HCN1: variants seen among roughly 807,000 people sequenced by gnomAD.
The protein encoded by HCN1 is hyperpolarization activated cyclic nucleotide gated potassium channel 1.
HCN1 carries 13 observed loss-of-function variants against 78.9 expected under a neutral mutation model. That is an observed-to-expected ratio of 0.16 (90% CI 0.11 to 0.26). The LOEUF (loss-of-function observed/expected upper bound fraction) is 0.26, where lower values mean the gene tolerates loss of function less well. Among genes scored for constraint, HCN1 ranks in the 10% least tolerant of loss-of-function variants. The pLI, the probability that HCN1 is intolerant of heterozygous loss-of-function variation, is 1.00. For missense variants in HCN1, 810 were observed against 1,154.3 expected, an observed-to-expected ratio of 0.70 and a Z score of 4.32; for synonymous variants, 552 against 455.5, an observed-to-expected ratio of 1.21 and a Z score of -2.70.
chr5:45,546,768 C>A (rs553330698), intron 2 of HCN1, among the ~76,000 whole-genome samples: 1 of 151,954 alleles, frequency 6.6e-6, no homozygotes, highest in South Asian at 2.1e-4. Flanking sequence ...GACCAGAAGA[C>A]ACCTTAAATA....
intron 2 of HCN1, among the ~76,000 whole-genome samples, chr5:45,634,076 C>T (rs1397153728): frequency 6.6e-6 from 1 of 151,982 alleles, no homozygotes; most frequent in East Asian, 1.9e-4. Flanking sequence ...GGCAGGAAGA[C>T]TTCAGCAAAA....
intron 2 of HCN1, among the ~76,000 whole-genome samples, chr5:45,477,196 T>A (rs1195013786): frequency 6.6e-6 from 1 of 151,892 alleles, no homozygotes; most frequent in Non-Finnish European, 1.5e-5. Context: ...CATCACTTTA[T>A]CAAGAAGGTC....
At chr5:45,327,879 C>T (rs903305371) in intron 5 of HCN1, among the ~76,000 whole-genome samples, 1 of 151,602 alleles carries the variant, frequency 6.6e-6, no homozygotes, top group Non-Finnish European at 1.5e-5. Context: ...GCCAATACCT[C>T]GATCTCAGAC....
Position 45,257,361 on chromosome 5 carries a change from A to G in HCN1, c.*4560T>C, listed in dbSNP as rs1221249039. ...ATCAGCTGTGCTCTGTTAAACATCCACATTTTAGAAAAGCATGCTTAATTT... is the reference window on the plus strand; with the variant it reads ...ATCAGCTGTGCTCTGTTAAACATCCGCATTTTAGAAAAGCATGCTTAATTT... On this transcript the variant is annotated 3_prime_UTR_variant, in exon 8 of 8. Coordinates refer to ENST00000303230, the MANE Select transcript of HCN1 (RefSeq NM_021072.4). The G allele has an allele frequency of 1.3e-5, 2 of 152,158 alleles. No individual in the cohort carries two copies. The highest frequency in any genetic ancestry group is 2.9e-5 in the Non-Finnish European group (2 of 68,038). 9.4% of individuals were successfully genotyped at this position (152,158 alleles called of 1,614,324 possible).
chr5:45,490,202 A>G lies in HCN1; in HGVS notation c.850-28195T>C, dbSNP rs369048416. ...AACTGCAAGGAAATTCACTATAACT[A>G]GGTCATAGAATGCCAACAGTGCAAT... On this transcript the variant is annotated intron_variant, in intron 2 of 7. Coordinates refer to ENST00000303230, the MANE Select transcript of HCN1 (RefSeq NM_021072.4). Among the ~76,000 whole-genome samples, 109 of 152,304 alleles carry G rather than the reference A, an allele frequency of 7.2e-4. No homozygotes were observed. In the South Asian group the frequency reaches 0.021, roughly 29 times the overall value.
At chr5:45,382,901 A>T (rs1000227583) in intron 4 of HCN1, among the ~76,000 whole-genome samples, 2 of 152,192 alleles carry the variant, frequency 1.3e-5, no homozygotes, top group Admixed American at 1.3e-4. Context: ...ATGTTAGGAA[A>T]GGAAAATTTG....
chr5:45,695,615 C>A, intron 1 of HCN1, 54 bp downstream of exon 1: 1 of 1,567,442 alleles, frequency 6.4e-7, no homozygotes, highest in Non-Finnish European at 8.7e-7. Flanking sequence ...GGCGGGGAAG[C>A]GCGTTTCAGG....
In HCN1 at chr5:45,347,552, C is replaced by T. The variant is rs142805628; in HGVS notation, c.1377+5548G>A. ...TGAGTTGAGAGAAGAAGGCTTCAGA[C>T]GATCAAACTACTCCGAGCTACAGGA... On this transcript the variant is annotated intron_variant, in intron 5 of 7. Coordinates refer to ENST00000303230, the MANE Select transcript of HCN1 (RefSeq NM_021072.4). Among the ~76,000 whole-genome samples, 2,305 of 152,094 alleles carry T rather than the reference C, an allele frequency of 0.015. 208 individuals are homozygous for T. The East Asian group carries it at 0.27, about 18-fold the overall frequency.
intron 4 of HCN1, among the ~76,000 whole-genome samples, chr5:45,388,328 G>T (rs1308979143): frequency 6.6e-6 from 1 of 152,092 alleles, no homozygotes; most frequent in Non-Finnish European, 1.5e-5. Context: ...TCCTTGAGTA[G>T]AAATATATTA....
intron 3 of HCN1, among the ~76,000 whole-genome samples, chr5:45,438,941 T>A (rs1234329322): frequency 6.6e-6 from 1 of 152,154 alleles, no homozygotes; most frequent in East Asian, 1.9e-4. Context: ...TATGTCTCTT[T>A]TCATAACAAC....
chr5:45,396,397 T>TTA, intron 4 of HCN1, 95 bp downstream of exon 4: 1 of 924,888 alleles, frequency 1.1e-6, no homozygotes, highest in Non-Finnish European at 1.7e-6. Flanking sequence ...TTTTTTTTTT[T>TTA]TATAGAGGAG....
At chr5:45,614,261 C>T (rs1334249576) in intron 2 of HCN1, among the ~76,000 whole-genome samples, 1 of 152,126 alleles carries the variant, frequency 6.6e-6, no homozygotes, top group Non-Finnish European at 1.5e-5. Context: ...TGAATTCCCC[C>T]ATTTATTAAT....
chr5:45,275,723 G>A (rs1441682937), intron 6 of HCN1, among the ~76,000 whole-genome samples: 3 of 152,106 alleles, frequency 2.0e-5, no homozygotes, highest in Non-Finnish European at 1.5e-5. Flanking sequence ...AACAATCTCA[G>A]GTAGCCGCGT....
chr5:45,319,888 A>C (rs1746087325), intron 5 of HCN1, among the ~76,000 whole-genome samples: 1 of 151,918 alleles, frequency 6.6e-6, no homozygotes, highest in Non-Finnish European at 1.5e-5. Context: ...TTCCTTTAGC[A>C]CTGTAACTTT....
At chr5:45,426,907 T>A (rs1419467791) in intron 3 of HCN1, among the ~76,000 whole-genome samples, 1 of 152,184 alleles carries the variant, frequency 6.6e-6, no homozygotes, top group Admixed American at 6.5e-5. Flanking sequence ...TGTAATAAAA[T>A]TTAGCAGTTT....
At position 45,396,311 on chromosome 5, in the gene HCN1, A is replaced by C. The variant is rs192325838; in HGVS notation, c.1230+181T>G. On this transcript the variant is annotated intron_variant, in intron 4 of 7. Transcript: ENST00000303230. ...ATTCAACTGAGAAATGAGAAGCAAAAGATATGAGAACTATCTTGAAGAAAC... is the reference window on the plus strand; with the variant it reads ...ATTCAACTGAGAAATGAGAAGCAAACGATATGAGAACTATCTTGAAGAAAC... Among the ~76,000 whole-genome samples, 385 of 152,292 alleles carry C rather than the reference A, an allele frequency of 2.5e-3. 1 individual carries two copies. Among genetic ancestry groups the C allele is most frequent in the Non-Finnish European group, 3.9e-3 (264 of 68,006 alleles).
At chr5:45,354,261 C>T (rs940940462) in intron 4 of HCN1, among the ~76,000 whole-genome samples, 14 of 151,606 alleles carry the variant, frequency 9.2e-5, no homozygotes, top group African/African-American at 3.2e-4. Context: ...AGAAACAATC[C>T]CTAGGTGTTT....
chr5:45,448,718 G>C (rs1740847904), intron 3 of HCN1, among the ~76,000 whole-genome samples: 1 of 152,104 alleles, frequency 6.6e-6, no homozygotes, highest in Admixed American at 6.6e-5. Context: ...TTTTTGAAAT[G>C]ACAGGAATAT....
At chr5:45,480,711 A>T (rs1440460948) in intron 2 of HCN1, among the ~76,000 whole-genome samples, 1 of 152,174 alleles carries the variant, frequency 6.6e-6, no homozygotes, top group Non-Finnish European at 1.5e-5. Flanking sequence ...ATTCTATTCA[A>T]TGTTATTAAC....
Sources: gnomAD v4.1 joint callset for allele counts (sites outside exome capture counted in the v4.1 genomes callset) on GRCh38, gnomAD v4.1.1 for gene constraint, MANE v1.5 for transcripts, NCBI Gene and HGNC (gene_info 2026-07-23, HGNC 2026-07-21) for gene names.